Variants in FYCO1 observed in about 807,000 individuals in gnomAD.
FYCO1 encodes the protein FYVE and coiled-coil domain-containing protein 1.
Under a neutral mutation model 165.1 loss-of-function variants are expected in FYCO1, and 122 were observed. That is an observed-to-expected ratio of 0.74 (90% CI 0.64 to 0.86). FYCO1 has a LOEUF of 0.86. Ranked by LOEUF, FYCO1 falls within the 40% of genes least tolerant of loss-of-function variation. FYCO1 has a pLI of 0.00. For missense variants in FYCO1, 1,702 were observed against 1,810.3 expected (o/e 0.94, Z 1.09); for synonymous variants, 648 against 742.5 (o/e 0.87, Z 2.07).
intron 13 of FYCO1, 42 bp from the exon 14 acceptor site, chr3:45,955,435 ACT>A: frequency 6.2e-7 from 1 of 1,612,174 alleles, no homozygotes; most frequent in Non-Finnish European, 8.5e-7. Context: ...GACACAACAC[ACT>A]GTTATGCATA....
At chr3:45,937,411 A>C (rs919945784) in intron 14 of FYCO1, among the ~76,000 whole-genome samples, 4 of 152,202 alleles carry the variant, frequency 2.6e-5, no homozygotes, top group Non-Finnish European at 5.9e-5. Context: ...GTGGCCCCCA[A>C]GGGCAGGGGA....
At chr3:45,954,496 C>A (rs758257677) in intron 14 of FYCO1, among the ~76,000 whole-genome samples, 3 of 152,126 alleles carry the variant, frequency 2.0e-5, no homozygotes, top group Non-Finnish European at 4.4e-5. Context: ...GTGAGTAAGA[C>A]CAGGAGCACA....
In FYCO1 at chr3:45,967,578, C is replaced by T; in HGVS notation, c.1756G>A (p.Gly586Arg). The T allele has an allele frequency of 6.2e-7, 1 of 1,614,134 alleles. No homozygotes were observed. The highest frequency in any genetic ancestry group is 8.5e-7 in the Non-Finnish European group (1 of 1,180,032). Residue 586 changes from glycine (G) to arginine (R), a missense_variant, in exon 8 of 18, where the codon GGG (glycine) becomes AGG (arginine). Coordinates refer to ENST00000296137, the MANE Select transcript of FYCO1 (RefSeq NM_024513.4). ...CCCCTCTGCTCCTCCTCTGGCTTCC[C>T]CCAGGCCTCTTGCAGACTGGAGTTC... ...PVNSSLQEAW[G>R]KPEEEQRGLQ...
chr3:45,964,218 G>T lies in FYCO1; in HGVS notation c.3269+118C>A. The T allele has an allele frequency of 2.3e-6, 2 of 870,180 alleles. No individual in the cohort carries two copies. Among genetic ancestry groups the T allele is most frequent in the Non-Finnish European group, 3.9e-6 (2 of 512,240 alleles). 53.9% of individuals were successfully genotyped at this position (870,180 alleles called of 1,614,324 possible). A position where few individuals can be genotyped will look rare whatever the true frequency, so the allele number is the denominator to read the frequency against. On this transcript the variant is annotated intron_variant, in intron 10 of 17. Transcript: ENST00000296137. This position sits in a 1 kb window ranked among gnomAD's most constrained non-coding sequence, Gnocchi z 4.1. ...AGCAGAAGCACTTTCTGAGTTTGTGGCTTTTCTTGCAAAAGGACTTCCTAA... is the reference window on the plus strand; with the variant it reads ...AGCAGAAGCACTTTCTGAGTTTGTGTCTTTTCTTGCAAAAGGACTTCCTAA...
At chr3:45,946,584 C>T (rs1704622296) in intron 14 of FYCO1, 2 of 1,614,196 alleles carry the variant, frequency 1.2e-6, no homozygotes, top group Non-Finnish European at 1.7e-6. Flanking sequence ...GGTCTTTCTG[C>T]CCTGCATGTA....
At chr3:45,946,651 T>A in intron 14 of FYCO1, 3 of 1,614,210 alleles carry the variant, frequency 1.9e-6, no homozygotes, top group African/African-American at 1.3e-5. Context: ...GTCATATCCA[T>A]CTTCTACCAT....
intron 16 of FYCO1, among the ~76,000 whole-genome samples, chr3:45,926,916 A>G (rs1703345351): frequency 6.6e-6 from 1 of 151,634 alleles, no homozygotes; most frequent in Non-Finnish European, 1.5e-5. Flanking sequence ...GTGAGCTGAG[A>G]TCGCGCCATT....
chr3:45,932,981 T>C (rs1703705625), intron 15 of FYCO1, among the ~76,000 whole-genome samples: 1 of 152,190 alleles, frequency 6.6e-6, no homozygotes, highest in Non-Finnish European at 1.5e-5. Flanking sequence ...TGCTGGAGCA[T>C]TTTATAATTT....
intron 14 of FYCO1, among the ~76,000 whole-genome samples, chr3:45,952,235 A>G (rs1467729434): frequency 1.3e-5 from 2 of 152,190 alleles, no homozygotes; most frequent in Non-Finnish European, 1.5e-5. Flanking sequence ...AATATTCCTC[A>G]TGAATTTGGA....
chr3:45,939,055 C>T (rs746711985), intron 14 of FYCO1, among the ~76,000 whole-genome samples: 6 of 152,244 alleles, frequency 3.9e-5, no homozygotes, highest in Non-Finnish European at 8.8e-5. Context: ...CTTTCCTCCT[C>T]CCCTTGCTCT....
chr3:45,953,145 G>A (rs1044567265), intron 14 of FYCO1, among the ~76,000 whole-genome samples: 5 of 152,188 alleles, frequency 3.3e-5, no homozygotes, highest in Non-Finnish European at 7.3e-5. Flanking sequence ...ATGTAAGCCC[G>A]AAGTCCCTTA....
chr3:45,923,411 C>G (rs1209812682), intron 17 of FYCO1, among the ~76,000 whole-genome samples: 1 of 152,200 alleles, frequency 6.6e-6, no homozygotes, highest in African/African-American at 2.4e-5. Context: ...ACCACTGGCT[C>G]TGTGACTTAG....
In FYCO1 at chr3:45,979,836, T is replaced by A. The variant is rs1485884470; in HGVS notation, c.163-6A>T. 1 of 1,613,528 alleles carries A rather than the reference T, an allele frequency of 6.2e-7. No homozygotes were observed. The highest frequency in any genetic ancestry group is 1.1e-5 in the South Asian group (1 of 91,062). The stretch of plus-strand genomic sequence containing the variant: ...GCCTTCTCTTTCTGATCAAACTGGG[T>A]AGGGAAAGGGAAAGGGAGAGGAGGT... On this transcript the variant is annotated splice_region_variant and splice_polypyrimidine_tract_variant and intron_variant, in intron 3 of 17. Transcript: ENST00000296137.
At chr3:45,954,261 G>A (rs1458149084) in intron 14 of FYCO1, among the ~76,000 whole-genome samples, 2 of 152,102 alleles carry the variant, frequency 1.3e-5, no homozygotes, top group Non-Finnish European at 2.9e-5. Context: ...GCTATTGTTA[G>A]TGTTAGTTTA....
rs189322843 is a variant in FYCO1 at position 45,938,998 on chromosome 3, A to G, written c.3945-2455T>C. ...ACTACAGCTGCTTCCTTTCCTTGCTATTGAGGCAGCCTCAGCAAAGATACC... is the reference window on the plus strand; with the variant it reads ...ACTACAGCTGCTTCCTTTCCTTGCTGTTGAGGCAGCCTCAGCAAAGATACC... On this transcript the variant is annotated intron_variant, in intron 14 of 17. Coordinates refer to ENST00000296137, the MANE Select transcript of FYCO1 (RefSeq NM_024513.4). 2.2e-3 allele frequency among the ~76,000 whole-genome samples: 341 copies of G among 152,336 alleles called. 2 individuals carry two copies. Among genetic ancestry groups the G allele is most frequent in the Admixed American group, 3.2e-3 (49 of 15,302 alleles).
At position 45,964,889 on chromosome 3, in the gene FYCO1, G is replaced by A; in HGVS notation, c.3150+144C>T. 1 of 743,328 alleles carries A rather than the reference G, an allele frequency of 1.3e-6. No individual in the cohort carries two copies. Among genetic ancestry groups the A allele is most frequent in the Non-Finnish European group, 2.4e-6 (1 of 416,924 alleles). The allele number at this position is 743,328 out of a possible 1,614,324, so 46.0% of individuals were successfully genotyped here. On this transcript the variant is annotated intron_variant, in intron 9 of 17. Coordinates refer to ENST00000296137, the MANE Select transcript of FYCO1 (RefSeq NM_024513.4). This position sits in a 1 kb window ranked among gnomAD's most constrained non-coding sequence, Gnocchi z 4.1. ...CAGGGAATGGATGGAGGGGGTCAGG[G>A]TACAAACTAGGGTGTCTACAAAGGT...
intron 14 of FYCO1, among the ~76,000 whole-genome samples, chr3:45,940,003 G>A (rs529141837): frequency 6.6e-6 from 1 of 152,358 alleles, no homozygotes; most frequent in East Asian, 1.9e-4. Flanking sequence ...ACTGACCAGT[G>A]CAGGTTTGGA....
chr3:45,922,880 C>T (rs1169247869), intron 17 of FYCO1, among the ~76,000 whole-genome samples: 1 of 152,194 alleles, frequency 6.6e-6, no homozygotes, highest in East Asian at 1.9e-4. Context: ...TGGCCAGAAA[C>T]AGATCAGGCA....
chr3:45,930,951 C>T (rs1338153674), intron 16 of FYCO1, 120 bp downstream of exon 16: 5 of 924,818 alleles, frequency 5.4e-6, no homozygotes, highest in Non-Finnish European at 8.7e-6. Context: ...CTGCCCAGAA[C>T]ATTCCAAGTG....
Sources: allele counts gnomAD v4.1 joint callset (sites outside exome capture counted in the v4.1 genomes callset), GRCh38; gene constraint gnomAD v4.1.1; non-coding constraint Gnocchi (gnomAD v3.1); transcripts MANE v1.5; gene names NCBI Gene and HGNC (gene_info 2026-07-23, HGNC 2026-07-21).